SYT9: variants seen among roughly 807,000 people sequenced by gnomAD.
The protein encoded by SYT9 is synaptotagmin-9.
In SYT9, 22 loss-of-function variants were observed where a neutral mutation model predicts 48.4. That is an observed-to-expected ratio of 0.45 (90% CI 0.32 to 0.65). The LOEUF is 0.65. Ranked by LOEUF, SYT9 falls within the 30% of genes least tolerant of loss-of-function variation. SYT9 has a pLI of 0.03. For synonymous variants in SYT9, 265 were observed against 245.0 expected, an observed-to-expected ratio of 1.08 and a Z score of -0.76; for missense variants, 577 against 622.0, an observed-to-expected ratio of 0.93 and a Z score of 0.77.
intron 3 of SYT9, among the ~76,000 whole-genome samples, chr11:7,404,639 C>G (rs1197793543): frequency 4.6e-5 from 7 of 152,124 alleles, no homozygotes; most frequent in African/African-American, 1.7e-4. Context: ...ATTTATGCAT[C>G]TCAATATCGA....
At chr11:7,398,206 C>G (rs550646662) in intron 3 of SYT9, among the ~76,000 whole-genome samples, 190 of 152,186 alleles carry the variant, frequency 1.2e-3, no homozygotes, top group Non-Finnish European at 2.2e-3. Flanking sequence ...CATTTTGCCT[C>G]TATTCATGTT....
At chr11:7,402,746 C>A (rs183779036) in intron 3 of SYT9, among the ~76,000 whole-genome samples, 9 of 152,182 alleles carry the variant, frequency 5.9e-5, no homozygotes, top group Non-Finnish European at 1.3e-4. Flanking sequence ...TTGTAGACAG[C>A]ATATAGTTGA....
At chr11:7,286,684 T>A (rs1848600799) in intron 1 of SYT9, among the ~76,000 whole-genome samples, 1 of 152,192 alleles carries the variant, frequency 6.6e-6, no homozygotes, top group Non-Finnish European at 1.5e-5. Context: ...ACTTAGATGT[T>A]TATTCCACCA....
intron 3 of SYT9, among the ~76,000 whole-genome samples, chr11:7,384,402 C>T (rs563338238): frequency 1.3e-5 from 2 of 152,308 alleles, no homozygotes; most frequent in South Asian, 4.2e-4. Flanking sequence ...CAGTACTTCT[C>T]CCCCTCCACT....
At chr11:7,309,616 C>T (rs958211634) in intron 2 of SYT9, among the ~76,000 whole-genome samples, 32 of 152,146 alleles carry the variant, frequency 2.1e-4, no homozygotes, top group African/African-American at 7.0e-4. Context: ...CTCTATATTC[C>T]GTATCTTTCC....
At chr11:7,396,772 C>T (rs1409068383) in intron 3 of SYT9, among the ~76,000 whole-genome samples, 1 of 152,060 alleles carries the variant, frequency 6.6e-6, no homozygotes, top group African/African-American at 2.4e-5. Flanking sequence ...AATAATTAGA[C>T]TAGTGGTTGT....
At chr11:7,371,672 A>C (rs1850365234) in intron 3 of SYT9, among the ~76,000 whole-genome samples, 1 of 152,134 alleles carries the variant, frequency 6.6e-6, no homozygotes, top group South Asian at 2.1e-4. Flanking sequence ...AAGTTTTCTC[A>C]TGCCCTGTTC....
intron 1 of SYT9, among the ~76,000 whole-genome samples, chr11:7,246,799 G>A (rs1198604905): frequency 6.6e-6 from 1 of 152,224 alleles, no homozygotes; most frequent in South Asian, 2.1e-4. Flanking sequence ...TCATTTGTGG[G>A]CTGGAAGGTC....
intron 1 of SYT9, among the ~76,000 whole-genome samples, chr11:7,268,226 T>C (rs993525087): frequency 1.3e-5 from 2 of 152,036 alleles, no homozygotes; most frequent in Admixed American, 1.3e-4. Flanking sequence ...TCATCAGCAC[T>C]TCCATTAACA....
intron 1 of SYT9, among the ~76,000 whole-genome samples, chr11:7,279,912 A>T (rs1322492172): frequency 6.6e-6 from 1 of 152,218 alleles, no homozygotes; most frequent in Non-Finnish European, 1.5e-5. Flanking sequence ...AGCAGAGCTG[A>T]TGAGGCAAAT....
intron 3 of SYT9, among the ~76,000 whole-genome samples, chr11:7,366,592 GTTA>G (rs977647321): frequency 6.6e-6 from 1 of 151,716 alleles, no homozygotes; most frequent in African/African-American, 2.4e-5. Flanking sequence ...AATCCTCCTG[GTTA>G]TTATTATTCC....
intron 6 of SYT9, chr11:7,456,937 C>G (rs970584376): frequency 2.6e-5 from 4 of 152,132 alleles, no homozygotes; most frequent in Admixed American, 2.6e-4. Context: ...TCAATCCAAC[C>G]TCTACACTCC....
At chr11:7,436,101 A>C (rs748256626) in intron 6 of SYT9, 1 of 152,252 alleles carries the variant, frequency 6.6e-6, no homozygotes, top group African/African-American at 2.4e-5. Context: ...GACTTCACCC[A>C]TTCCAATTTT....
chr11:7,404,705 C>G (rs907275332), intron 3 of SYT9, among the ~76,000 whole-genome samples: 1 of 152,050 alleles, frequency 6.6e-6, no homozygotes, highest in Non-Finnish European at 1.5e-5. Flanking sequence ...GTGCATATCC[C>G]TAAACAAACA....
chr11:7,276,342 C>T (rs1183519551), intron 1 of SYT9, among the ~76,000 whole-genome samples: 2 of 152,142 alleles, frequency 1.3e-5, no homozygotes, highest in Non-Finnish European at 2.9e-5. Flanking sequence ...AATGTGCTTC[C>T]TGCCTCAGTT....
At position 7,243,957 on chromosome 11, in the gene SYT9, A is replaced by T. The variant is rs561185430; in HGVS notation, c.49+5041A>T. ...ATGCAGAAAGCATTTTTTTTTTTTT[A>T]AATTCATCTGTTGGTGGAGGGTACT... On this transcript the variant is annotated intron_variant and NMD_transcript_variant, in intron 1 of 8. Transcript: ENST00000524820. Among the ~76,000 whole-genome samples the T allele has an allele frequency of 2.2e-4, 33 of 148,542 alleles. No homozygotes were observed. The East Asian group carries it at 3.1e-3, about 14-fold the overall frequency.
At chr11:7,436,739 GA>G in intron 6 of SYT9, among the ~76,000 whole-genome samples, 1 of 152,328 alleles carries the variant, frequency 6.6e-6, no homozygotes, top group Non-Finnish European at 1.5e-5. Context: ...CAGACAAATT[GA>G]GGAGAGCAAA....
intron 3 of SYT9, among the ~76,000 whole-genome samples, chr11:7,378,346 A>G (rs1301182113): frequency 6.6e-6 from 1 of 152,116 alleles, no homozygotes; most frequent in Non-Finnish European, 1.5e-5. Context: ...AGAGCACCCA[A>G]TATCCATGGA....
chr11:7,465,725 GA>G (rs1162769016), intron 6 of SYT9: 1 of 160,646 alleles, frequency 6.2e-6, no homozygotes, highest in African/African-American at 2.4e-5. Flanking sequence ...CCGAGAGTGG[GA>G]AGAAAAAGAG....
Sources: gnomAD v4.1 joint callset for allele counts (sites outside exome capture counted in the v4.1 genomes callset) on GRCh38, gnomAD v4.1.1 for gene constraint, MANE v1.5 for transcripts, NCBI Gene and HGNC (gene_info 2026-07-23, HGNC 2026-07-21) for gene names.